Variants in CFAP92 observed in about 807,000 individuals in gnomAD.
The protein encoded by CFAP92 is cilia and flagella associated protein 92 (putative).
Under a neutral mutation model 106.3 loss-of-function variants are expected in CFAP92, and 86 were observed. That is an observed-to-expected ratio of 0.81 (90% confidence interval 0.68 to 0.97). CFAP92 has a LOEUF of 0.97. Ranked by LOEUF, CFAP92 falls within the 50% of genes least tolerant of loss-of-function variation. CFAP92 has a pLI of 0.00. For synonymous variants in CFAP92, 477 were observed against 506.4 expected, an observed-to-expected ratio of 0.94 and a Z score of 0.78; for missense variants, 1,204 against 1,283.8, an observed-to-expected ratio of 0.94 and a Z score of 0.95.
chr3:128,998,708 C>G (rs1944573014), upstream of CFAP92, among the ~76,000 whole-genome samples: 1 of 152,114 alleles, frequency 6.6e-6, no homozygotes, highest in Non-Finnish European at 1.5e-5. Context: ...TAGTTCATCC[C>G]CAGGGAGCAC....
intron 15 of CFAP92, chr3:128,912,463 A>G: frequency 6.4e-7 from 1 of 1,561,896 alleles, no homozygotes; most frequent in Non-Finnish European, 8.8e-7. Flanking sequence ...TTGTCTTATC[A>G]CGGTGCAGAA....
At position 128,912,601 on chromosome 3, in the gene CFAP92, A is replaced by G. The variant is rs762217879; in HGVS notation, c.3281-2268T>C. ...TCTGTGCCCACCCTCTGGACAGGAC[A>G]TGCTGAGGCAGGGGACAGTGTCCCC... is the stretch of plus-strand genomic sequence containing the variant. On this transcript the variant is annotated intron_variant, in intron 15 of 15. Transcript: ENST00000645291. 7 of 1,613,984 alleles carry G rather than the reference A, an allele frequency of 4.3e-6. No individual in the cohort carries two copies. Among genetic ancestry groups the G allele is most frequent in the Non-Finnish European group, 5.1e-6 (6 of 1,179,836 alleles).
Position 128,945,652 on chromosome 3 carries a change from CAT to C in CFAP92, c.1675_1676del (p.Met559ValfsTer13), listed in dbSNP as rs1455444292. 2.0e-6 allele frequency: 3 copies of C among 1,536,022 alleles called. No homozygotes were observed. In the African/African-American group the frequency reaches 4.1e-5, roughly 21 times the overall value. ...CCTGGGCGATGCCATAAGGGTACCA[CAT>C]CTTGTTCTGGGACTCAAAGGGGTTG... Reference protein sequence around the residue: ...ENNPFESQNKMWYPYGIAQVS... With the variant: ...ENNPFESQNKXWYPYGIAQVS... On this transcript the variant is annotated frameshift_variant, in exon 10 of 16. Transcript: ENST00000645291. LOFTEE classifies it high-confidence loss of function.
chr3:128,994,304 G>C (rs1944398430), upstream of CFAP92, among the ~76,000 whole-genome samples: 2 of 152,322 alleles, frequency 1.3e-5, no homozygotes, highest in Admixed American at 6.5e-5. Flanking sequence ...GTTTCTACTC[G>C]GAACGTCAGC....
chr3:128,911,667 CCT>C (rs144459383), intron 15 of CFAP92, among the ~76,000 whole-genome samples: 6,287 of 152,298 alleles, frequency 0.041, 170 homozygotes, highest in Non-Finnish European at 0.058. Flanking sequence ...GTCTCCAACC[CCT>C]GACCTCAGGT....
chr3:128,922,797 T>C (rs1248586655), intron 12 of CFAP92, among the ~76,000 whole-genome samples: 2 of 152,248 alleles, frequency 1.3e-5, no homozygotes, highest in Admixed American at 6.5e-5. Flanking sequence ...TAGAGACTTA[T>C]TGCAACAATG....
intron 1 of CFAP92, 29 bp downstream of exon 1, chr3:128,993,951 C>G (rs1027519484): frequency 1.8e-5 from 18 of 987,628 alleles, no homozygotes; most frequent in African/African-American, 3.5e-5. Context: ...GGGCAGGGGT[C>G]GGGGTTCCCC....
the CFAP92 span, among the ~76,000 whole-genome samples, chr3:129,018,082 T>C: frequency 1.4e-4 from 22 of 152,218 alleles, no homozygotes; most frequent in Non-Finnish European, 1.6e-4. Flanking sequence ...GGGTGGTCTT[T>C]TTATCCCCAG....
rs73865527 is a variant in CFAP92 at position 128,992,175 on chromosome 3, G to A, written c.262+868C>T. On this transcript the variant is annotated intron_variant, in intron 2 of 15. Coordinates refer to ENST00000645291, the MANE Select transcript of CFAP92 (RefSeq NM_001394090.1). ...GGTTCCTGTGTGCAGCCATGAGCTT[G>A]GGGGCTTGTTTGGGTTTGTTGCACC... Among the ~76,000 whole-genome samples the A allele has an allele frequency of 4.5e-3, 688 of 152,330 alleles. 5 individuals carry two copies. The highest frequency in any genetic ancestry group is 0.016 in the African/African-American group (666 of 41,572).
At chr3:128,930,094 G>A (rs1048895570) in intron 12 of CFAP92, among the ~76,000 whole-genome samples, 17 of 152,126 alleles carry the variant, frequency 1.1e-4, no homozygotes, top group Non-Finnish European at 1.9e-4. Context: ...TAGCAAATTT[G>A]TAAGAGATAG....
intron 9 of CFAP92, among the ~76,000 whole-genome samples, chr3:128,958,796 G>A (rs1336571283): frequency 6.6e-6 from 1 of 152,134 alleles, no homozygotes; most frequent in Non-Finnish European, 1.5e-5. Context: ...AGCTACTAGG[G>A]AGGCTAAGGC....
At chr3:128,975,698 A>C in intron 7 of CFAP92, 81 bp downstream of exon 7, 1 of 1,155,870 alleles carries the variant, frequency 8.7e-7, no homozygotes. Context: ...AATCTCATTG[A>C]AGTATCCTGA....
chr3:129,026,143 T>A, the CFAP92 span, among the ~76,000 whole-genome samples: 1 of 152,210 alleles, frequency 6.6e-6, no homozygotes, highest in African/African-American at 2.4e-5. Context: ...TTTCAGAACA[T>A]TCTGAAGGGT....
chr3:129,016,954 A>C, the CFAP92 span, among the ~76,000 whole-genome samples: 3 of 152,310 alleles, frequency 2.0e-5, no homozygotes, highest in South Asian at 6.2e-4. Flanking sequence ...TGAGAAGTCC[A>C]GGGGAGAGCA....
intron 10 of CFAP92, among the ~76,000 whole-genome samples, chr3:128,938,127 G>C (rs1223323375): frequency 6.6e-6 from 1 of 151,830 alleles, no homozygotes; most frequent in African/African-American, 2.4e-5. Flanking sequence ...AGCTACTTGA[G>C]AGGCTGAGGT....
chr3:128,952,073 A>C (rs1940861078), intron 9 of CFAP92, among the ~76,000 whole-genome samples: 1 of 151,604 alleles, frequency 6.6e-6, no homozygotes, highest in African/African-American at 2.4e-5. Flanking sequence ...CTACACATGC[A>C]GTTTGGTGTT....
intron 4 of CFAP92, among the ~76,000 whole-genome samples, chr3:128,984,336 A>C (rs1041702957): frequency 6.6e-6 from 1 of 152,210 alleles, no homozygotes; most frequent in African/African-American, 2.4e-5. Flanking sequence ...CCCACCCTCA[A>C]GCTGGGTGGG....
Position 128,910,127 on chromosome 3 carries a change from G to A in CFAP92, c.*172C>T, listed in dbSNP as rs1936100105. On this transcript the variant is annotated 3_prime_UTR_variant, in exon 16 of 16. Coordinates refer to ENST00000645291, the MANE Select transcript of CFAP92 (RefSeq NM_001394090.1). ...CGGGCCAGCCGCTCCATCCGCATTG[G>A]GCTCCGCAACCACGACCACGAGGTG... is the stretch of plus-strand genomic sequence containing the variant. The A allele has an allele frequency of 1.2e-6, 2 of 1,613,936 alleles. No individual in the cohort carries two copies. The highest frequency in any genetic ancestry group is 2.7e-5 in the African/African-American group (2 of 74,938).
At chr3:128,936,704 A>C (rs6787128) in intron 10 of CFAP92, among the ~76,000 whole-genome samples, 13,046 of 152,104 alleles carry the variant, frequency 0.086, 1,534 homozygotes, top group African/African-American at 0.27. Context: ...CAAATTCTCA[A>C]AACAATACCT....
Sources: gnomAD v4.1 joint callset for allele counts (sites outside exome capture counted in the v4.1 genomes callset) on GRCh38, gnomAD v4.1.1 for gene constraint, MANE v1.5 for transcripts, NCBI Gene and HGNC (gene_info 2026-07-23, HGNC 2026-07-21) for gene names.